The following CFAP20DC variants were observed in gnomAD, a reference collection of about 807,000 sequenced individuals.
The protein encoded by CFAP20DC is protein CFAP20DC.
Under a neutral mutation model 101.7 loss-of-function variants are expected in CFAP20DC, and 84 were observed. The observed-to-expected ratio is 0.83, with a 90% CI of 0.69 to 0.99. The LOEUF is 0.99. CFAP20DC is among the 50% of genes least tolerant of loss of function. CFAP20DC has a pLI of 0.00. For missense variants in CFAP20DC, 1,007 were observed against 970.3 expected (o/e 1.04, Z -0.50); for synonymous variants, 359 against 351.2 (o/e 1.02, Z -0.25).
chr3:58,961,992 C>G (rs1304712809), intron 4 of CFAP20DC, among the ~76,000 whole-genome samples: 1 of 152,134 alleles, frequency 6.6e-6, no homozygotes, highest in African/African-American at 2.4e-5. Context: ...CATTGATTTA[C>G]TGTTCTGTTT....
At chr3:58,992,838 T>C (rs950372679) in intron 4 of CFAP20DC, among the ~76,000 whole-genome samples, 4 of 151,978 alleles carry the variant, frequency 2.6e-5, no homozygotes, top group African/African-American at 9.7e-5. Context: ...AAGTTTTCAG[T>C]TTTATCCAAA....
In CFAP20DC at chr3:58,971,864, T is replaced by TACAC. The variant is rs34030341; in HGVS notation, c.279-34106_279-34103dup. On this transcript the variant is annotated intron_variant, in intron 4 of 16. Coordinates refer to ENST00000482387, the MANE Select transcript of CFAP20DC (RefSeq NM_001394063.1). The surrounding 1 kb of genome is among the most constrained non-coding windows in gnomAD (Gnocchi z 4.1). ...CTGTAATATCATACACACGCACACA[T>TACAC]ACACACACACACACACACACACACA... 0.013 allele frequency among the ~76,000 whole-genome samples: 1,868 copies of TACAC among 142,444 alleles called. 29 individuals are homozygous for TACAC. The highest frequency in any genetic ancestry group is 0.038 in the African/African-American group (1,510 of 39,458). The allele number at this position is 142,444 out of a possible 152,430, so 93.4% of individuals were successfully genotyped here.
intron 4 of CFAP20DC, among the ~76,000 whole-genome samples, chr3:58,999,676 A>T (rs2093250368): frequency 6.6e-6 from 1 of 152,066 alleles, no homozygotes; most frequent in African/African-American, 2.4e-5. Flanking sequence ...GACTTCAGGG[A>T]TTGTACCTGG....
chr3:58,759,818 C>T (rs1341285425), intron 15 of CFAP20DC, among the ~76,000 whole-genome samples: 3 of 152,126 alleles, frequency 2.0e-5, no homozygotes, highest in Non-Finnish European at 2.9e-5. Context: ...TTGTTTTTCC[C>T]AGGTTTATCA....
intron 4 of CFAP20DC, among the ~76,000 whole-genome samples, chr3:59,037,073 G>A (rs189269620): frequency 8.3e-4 from 127 of 152,304 alleles, no homozygotes; most frequent in Non-Finnish European, 1.6e-3. Context: ...AAACTGGATA[G>A]CCAAATGCAG....
intron 14 of CFAP20DC, among the ~76,000 whole-genome samples, chr3:58,826,596 G>T (rs1397597234): frequency 6.6e-6 from 1 of 152,066 alleles, no homozygotes; most frequent in East Asian, 1.9e-4. Context: ...GAGAATGATG[G>T]TTTCCGGCTT....
At chr3:58,734,688 T>A (rs1299342886) in intron 3 of CFAP20DC, 1 of 419,990 alleles carries the variant, frequency 2.4e-6, no homozygotes. Flanking sequence ...GTGATTGCCT[T>A]CCTGTCTCTT....
intron 14 of CFAP20DC, among the ~76,000 whole-genome samples, chr3:58,814,317 T>G (rs186134631): frequency 6.6e-6 from 1 of 151,902 alleles, no homozygotes; most frequent in Admixed American, 6.6e-5. Flanking sequence ...TGCTTTAGAC[T>G]AAAAACTCTC....
chr3:58,807,698 A>T lies in CFAP20DC; in HGVS notation c.2176-1242T>A, dbSNP rs569015689. ...AAGGAACGCAGTTCCTCAGCAACGGAACAAAGCTGGATGGAGAATGACTTT... is the reference window on the plus strand; with the variant it reads ...AAGGAACGCAGTTCCTCAGCAACGGTACAAAGCTGGATGGAGAATGACTTT... On this transcript the variant is annotated intron_variant, in intron 14 of 16. Transcript: ENST00000482387. 9.4e-4 allele frequency among the ~76,000 whole-genome samples: 143 copies of T among 152,364 alleles called. No homozygotes were observed. The Middle Eastern group carries it at 0.01, about 11-fold the overall frequency.
intron 4 of CFAP20DC, among the ~76,000 whole-genome samples, chr3:58,949,193 T>G (rs1161791385): frequency 6.6e-6 from 1 of 152,200 alleles, no homozygotes; most frequent in Non-Finnish European, 1.5e-5. Flanking sequence ...TTATTAGTCT[T>G]GCTAGAGGTC....
In CFAP20DC at chr3:58,838,502, T is replaced by C. The variant is rs991908998; in HGVS notation, c.1972-6613A>G. 3.3e-5 allele frequency among the ~76,000 whole-genome samples: 5 copies of C among 152,166 alleles called. No homozygotes were observed. The South Asian group carries it at 6.2e-4, about 19-fold the overall frequency. ...GAAGATTCTTGGGTAATTAAACCAA[T>C]TGGTGGCAAAATTCCTTGTAAAGAG... On this transcript the variant is annotated intron_variant, in intron 13 of 16. Coordinates refer to ENST00000482387, the MANE Select transcript of CFAP20DC (RefSeq NM_001394063.1).
chr3:59,035,614 T>C (rs1341253249), intron 4 of CFAP20DC, among the ~76,000 whole-genome samples: 2 of 152,228 alleles, frequency 1.3e-5, no homozygotes. Flanking sequence ...GATAAATTCC[T>C]GGACACATAT....
intron 4 of CFAP20DC, among the ~76,000 whole-genome samples, chr3:58,990,014 T>C (rs2092886118): frequency 6.6e-6 from 1 of 151,982 alleles, no homozygotes; most frequent in Admixed American, 6.6e-5. Flanking sequence ...CAAGAGAAAC[T>C]CCCAATGGAA....
At chr3:58,923,857 G>C (rs1482118326) in intron 5 of CFAP20DC, among the ~76,000 whole-genome samples, 1 of 151,988 alleles carries the variant, frequency 6.6e-6, no homozygotes, top group Non-Finnish European at 1.5e-5. Context: ...TTCTGGTACT[G>C]CAATCACATA....
At position 58,789,057 on chromosome 3, in the gene CFAP20DC, A is replaced by G. The variant is rs9871806; in HGVS notation, c.2237+17338T>C. On this transcript the variant is annotated intron_variant, in intron 15 of 16. Transcript: ENST00000482387. ...AATTCCACACAGTGGCACACAGTAT[A>G]AAACTCACCACACAGTAATAGCATT... Among the ~76,000 whole-genome samples the G allele has an allele frequency of 9.9e-3, 1,504 of 152,286 alleles. 22 individuals are homozygous for G. The highest frequency in any genetic ancestry group is 0.035 in the African/African-American group (1,454 of 41,562).
intron 12 of CFAP20DC, among the ~76,000 whole-genome samples, chr3:58,856,113 A>G (rs909783079): frequency 2.0e-5 from 3 of 150,200 alleles, no homozygotes; most frequent in Admixed American, 6.6e-5. Flanking sequence ...AAAATAATCA[A>G]TAATACTAAA....
At position 58,937,683 on chromosome 3, in the gene CFAP20DC, C is replaced by T. The variant is rs1250707934; in HGVS notation, c.358G>A (p.Ala120Thr). The T allele has an allele frequency of 6.2e-7, 1 of 1,611,734 alleles. No individual in the cohort carries two copies. Among genetic ancestry groups the T allele is most frequent in the Non-Finnish European group, 8.5e-7 (1 of 1,178,076 alleles). The change falls in exon 5 of 17, where the codon GCA (alanine) becomes ACA (threonine). Residue 120 changes from alanine to threonine, a missense_variant. Ala to Thr is a moderately conservative substitution (Grantham distance 58). Coordinates refer to ENST00000482387, the MANE Select transcript of CFAP20DC (RefSeq NM_001394063.1). ...HKELSSTPLH[A>T]KIPLFMIKRK... is the part of the protein sequence containing the mutation. ...TTGATCATGAAGAGTGGAATTTTTGCATGAAGAGGGGTGGAGGATAGTTCC... is the reference window on the plus strand; with the variant it reads ...TTGATCATGAAGAGTGGAATTTTTGTATGAAGAGGGGTGGAGGATAGTTCC...
chr3:58,801,255 T>C (rs1486073445), intron 15 of CFAP20DC, among the ~76,000 whole-genome samples: 1 of 152,180 alleles, frequency 6.6e-6, no homozygotes, highest in Non-Finnish European at 1.5e-5. Flanking sequence ...AATCTTTTCC[T>C]AGTTGAAGCC....
chr3:58,798,593 TGGTTG>T (rs1245334990), intron 15 of CFAP20DC, among the ~76,000 whole-genome samples: 5 of 152,354 alleles, frequency 3.3e-5, no homozygotes, highest in Admixed American at 6.5e-5. Context: ...AGCAGCAGCA[TGGTTG>T]GGCAAGATTA....
Sources: allele counts gnomAD v4.1 joint callset (sites outside exome capture counted in the v4.1 genomes callset), GRCh38; gene constraint gnomAD v4.1.1; non-coding constraint Gnocchi (gnomAD v3.1); transcripts MANE v1.5; gene names NCBI Gene and HGNC (gene_info 2026-07-23, HGNC 2026-07-21).